Variants in A4GALT observed in about 807,000 individuals in gnomAD.
The protein encoded by A4GALT is alpha 1,4-galactosyltransferase (P1PK blood group), also known as lactosylceramide 4-alpha-galactosyltransferase.
For missense variants in A4GALT, 512 were observed against 486.0 expected, an observed-to-expected ratio of 1.05 and a Z score of -0.50; for synonymous variants, 257 against 220.7, an observed-to-expected ratio of 1.16 and a Z score of -1.46.
At chr22:42,699,221 T>C (rs1253620688) in intron 1 of A4GALT, among the ~76,000 whole-genome samples, 1 of 152,104 alleles carries the variant, frequency 6.6e-6, no homozygotes, top group Non-Finnish European at 1.5e-5. Context: ...GTAGCTGGGA[T>C]TACAGGCATG....
rs927459570 is a variant in A4GALT, at chr22:42,692,556, C to T, written c.*334G>A. ...TCCCCTTAGCACCGGCCTCTGCCCT[C>T]GTGGGCACCTCTGTCCCAACTGCCT... On this transcript the variant is annotated 3_prime_UTR_variant, in exon 3 of 3. Coordinates refer to ENST00000642412, the MANE Select transcript of A4GALT (RefSeq NM_017436.7). This position sits in a 1 kb window ranked among gnomAD's most constrained non-coding sequence, Gnocchi z 4.6. 6.4e-6 allele frequency: 3 copies of T among 469,902 alleles called. No individual in the cohort carries two copies. The highest frequency in any genetic ancestry group is 4.2e-6 in the Non-Finnish European group (1 of 240,132). The allele number at this position is 469,902 out of a possible 1,614,324, so 29.1% of individuals were successfully genotyped here.
chr22:42,695,385 A>G (rs969990862), intron 2 of A4GALT, 106 bp downstream of exon 2: 1 of 152,480 alleles, frequency 6.6e-6, no homozygotes, highest in South Asian at 2.1e-4. Flanking sequence ...GGCAATCCAC[A>G]TAGGCTGAGG....
chr22:42,713,583 G>A (rs368401079), intron 1 of A4GALT, among the ~76,000 whole-genome samples: 5 of 151,748 alleles, frequency 3.3e-5, no homozygotes, highest in African/African-American at 1.2e-4. Flanking sequence ...AGGCCGAGGC[G>A]GGTGGATCAC....
At chr22:42,712,041 A>G (rs1921744647) in intron 1 of A4GALT, among the ~76,000 whole-genome samples, 1 of 152,226 alleles carries the variant, frequency 6.6e-6, no homozygotes, top group Non-Finnish European at 1.5e-5. Context: ...CTCTACGCAG[A>G]TGCAAATTAC....
chr22:42,704,462 G>T (rs770610842), intron 1 of A4GALT, among the ~76,000 whole-genome samples: 34 of 151,494 alleles, frequency 2.2e-4, no homozygotes, highest in Non-Finnish European at 4.0e-4. Flanking sequence ...ACTCCAGCCT[G>T]GGCAACAAAG....
intron 1 of A4GALT, among the ~76,000 whole-genome samples, chr22:42,716,051 C>T (rs997017526): frequency 2.0e-5 from 3 of 152,080 alleles, no homozygotes; most frequent in Non-Finnish European, 4.4e-5. Flanking sequence ...AGGCTGGTCT[C>T]GAACTCCCGA....
chr22:42,711,024 C>CA lies in A4GALT; in HGVS notation c.-188+9772dup, dbSNP rs34155225. Reference sequence around the variant, plus strand: ...TAGATGACACAGCAGGACTCTGTCTCAAAAAAAAAAAAAGAAGTGACAACC... The same window carrying CA: ...TAGATGACACAGCAGGACTCTGTCTCAAAAAAAAAAAAAAGAAGTGACAACC... On this transcript the variant is annotated intron_variant, in intron 1 of 2. Coordinates refer to ENST00000642412, the MANE Select transcript of A4GALT (RefSeq NM_017436.7). 6.0e-3 allele frequency among the ~76,000 whole-genome samples: 849 copies of CA among 141,788 alleles called. 8 individuals are homozygous for CA. Among genetic ancestry groups the CA allele is most frequent in the African/African-American group, 0.018 (674 of 37,790 alleles). The allele number at this position is 141,788 out of a possible 152,430, so 93.0% of individuals were successfully genotyped here. A position where few individuals can be genotyped will look rare whatever the true frequency, so the allele number is the denominator to read the frequency against.
At position 42,693,140 on chromosome 22, in the gene A4GALT, C is replaced by A. The variant is rs1410884262; in HGVS notation, c.812G>T (p.Arg271Leu). The change falls in exon 3 of 3, where the codon CGC becomes CTC. Residue 271 changes from arginine to leucine, a missense_variant. By Grantham distance (102) the Arg-to-Leu change is moderately radical. Transcript: ENST00000642412. ...WCSIRSLAES[R>L]ACRGVTTLPP... ...CAGGGTGGTGACGCCGCGGCAGGCGCGGCTCTCGGCCAGGCTGCGGATGGA... is the reference window on the plus strand; with the variant it reads ...CAGGGTGGTGACGCCGCGGCAGGCGAGGCTCTCGGCCAGGCTGCGGATGGA... The A allele has an allele frequency of 6.2e-7, 1 of 1,602,724 alleles. No homozygotes were observed.
At chr22:42,701,610 T>C (rs543382521) in intron 1 of A4GALT, among the ~76,000 whole-genome samples, 2 of 152,332 alleles carry the variant, frequency 1.3e-5, no homozygotes, top group South Asian at 4.1e-4. Flanking sequence ...TTCATCCTCC[T>C]GAGAACACCT....
At chr22:42,706,471 AC>A (rs1261900275) in intron 1 of A4GALT, among the ~76,000 whole-genome samples, 2 of 151,774 alleles carry the variant, frequency 1.3e-5, no homozygotes, top group Admixed American at 1.3e-4. Flanking sequence ...CAAGAGACAT[AC>A]CTTAAACGAA....
Position 42,693,303 on chromosome 22 carries a change from T to C in A4GALT, c.649A>G (p.Asn217Asp), listed in dbSNP as rs1930617898. 2.5e-6 allele frequency: 4 copies of C among 1,612,934 alleles called. No individual in the cohort carries two copies. The African/African-American group carries it at 5.3e-5, about 22-fold the overall frequency. The stretch of plus-strand genomic sequence containing the variant: ...CGCTCGAAGGCCAGGAACGCGCCGT[T>C]GAGGACGTAGCGGGACTGGGTGCCC... ...VLGTQSRYVL[N>D]GAFLAFERRH... is the part of the protein sequence containing the mutation. The change falls in exon 3 of 3, where the codon AAC becomes GAC. Residue 217 changes from asparagine (N) to aspartate (D), a missense_variant. Coordinates refer to ENST00000642412, the MANE Select transcript of A4GALT (RefSeq NM_017436.7).
At chr22:42,718,713 C>T (rs1156848733) in intron 1 of A4GALT, 1 of 151,718 alleles carries the variant, frequency 6.6e-6, no homozygotes, top group Non-Finnish European at 1.5e-5. Context: ...GGTGCCAGGC[C>T]TGGCACTAGG....
chr22:42,697,594 G>C (rs1269793117), intron 1 of A4GALT, among the ~76,000 whole-genome samples: 1 of 152,076 alleles, frequency 6.6e-6, no homozygotes, highest in East Asian at 1.9e-4. Flanking sequence ...ACCACAGTTG[G>C]GGGTGCCAGA....
intron 2 of A4GALT, among the ~76,000 whole-genome samples, chr22:42,694,245 C>T (rs955959615): frequency 4.6e-5 from 7 of 152,254 alleles, no homozygotes; most frequent in African/African-American, 1.7e-4. Context: ...GTGAGCTCAC[C>T]CAAGGACCAG....
intron 1 of A4GALT, among the ~76,000 whole-genome samples, chr22:42,702,930 C>T (rs1207423163): frequency 6.8e-6 from 1 of 147,004 alleles, no homozygotes; most frequent in Non-Finnish European, 1.5e-5. Flanking sequence ...CCCTGCTCCC[C>T]TGTTTAACTT....
At chr22:42,696,552 G>C (rs1333412239) in intron 1 of A4GALT, among the ~76,000 whole-genome samples, 3 of 152,070 alleles carry the variant, frequency 2.0e-5, no homozygotes, top group Non-Finnish European at 4.4e-5. Context: ...CCAGACCTCT[G>C]CAAGCACCAT....
At position 42,693,678 on chromosome 22, in the gene A4GALT, A is replaced by T; in HGVS notation, c.274T>A (p.Phe92Ile). The T allele has an allele frequency of 7.4e-7, 1 of 1,355,434 alleles. No homozygotes were observed. Among genetic ancestry groups the T allele is most frequent in the Non-Finnish European group, 9.8e-7 (1 of 1,025,078 alleles). 84.0% of individuals were successfully genotyped at this position (1,355,434 alleles called of 1,614,324 possible). A position where few individuals can be genotyped will look rare whatever the true frequency, so the allele number is the denominator to read the frequency against. ...GACTCCACCGAGCACATGAACAGGA[A>T]GTTGGGGTTGGTCCGGTCTGAAGTC... ...LETSDRTNPN[F>I]LFMCSVESAA... Residue 92 changes from phenylalanine to isoleucine, a missense_variant, in exon 3 of 3, where the codon TTC becomes ATC. Physicochemically the swap from Phe to Ile is conservative, Grantham distance 21. Coordinates refer to ENST00000642412, the MANE Select transcript of A4GALT (RefSeq NM_017436.7).
rs757319009 is a variant in A4GALT at position 42,693,759 on chromosome 22, T to C, written c.193A>G (p.Thr65Ala). The C allele has an allele frequency of 6.3e-7, 1 of 1,596,346 alleles. No homozygotes were observed. The highest frequency in any genetic ancestry group is 8.6e-7 in the Non-Finnish European group (1 of 1,168,876). The change falls in exon 3 of 3, where the codon ACA (threonine) becomes GCA (alanine). Residue 65 changes from threonine (T) to alanine (A), a missense_variant. Thr to Ala is a moderately conservative substitution (Grantham distance 58, BLOSUM62 0). Transcript: ENST00000642412. ...CCGTGGGAGGGTGGGGTGGGGGGTG[T>C]CAAGGTGGGGCAGGGGATCTCTGCT... Reference protein sequence around the residue: ...LPAEIPCPTLTPPTPPSHGPT... With the variant: ...LPAEIPCPTLAPPTPPSHGPT...
chr22:42,716,020 T>C (rs772617472), intron 1 of A4GALT, among the ~76,000 whole-genome samples: 5 of 151,934 alleles, frequency 3.3e-5, no homozygotes, highest in Admixed American at 1.3e-4. Context: ...TTAGTAGAGA[T>C]AGGGTTTCTC....
Sources: allele counts gnomAD v4.1 joint callset (sites outside exome capture counted in the v4.1 genomes callset), GRCh38; gene constraint gnomAD v4.1.1; non-coding constraint Gnocchi (gnomAD v3.1); transcripts MANE v1.5; gene names NCBI Gene and HGNC (gene_info 2026-07-23, HGNC 2026-07-21).